Variants in INSC observed in about 807,000 individuals in gnomAD.
INSC encodes INSC spindle orientation adaptor protein.
INSC carries 67 observed loss-of-function variants against 58.6 expected under a neutral mutation model. The ratio of observed to expected loss-of-function variants is 1.14; its 90% CI spans 0.94 to 1.40. The LOEUF (loss-of-function observed/expected upper bound fraction) is 1.40, where lower values mean the gene tolerates loss of function less well. Ranked by LOEUF, INSC falls within the 40% of genes most tolerant of loss-of-function variation. The pLI is 0.00. For missense variants in INSC, 714 were observed against 692.0 expected, an observed-to-expected ratio of 1.03 and a Z score of -0.36; for synonymous variants, 262 against 276.1, an observed-to-expected ratio of 0.95 and a Z score of 0.51.
intron 7 of INSC, among the ~76,000 whole-genome samples, chr11:15,202,890 T>C (rs1461946443): frequency 1.3e-5 from 2 of 152,240 alleles, no homozygotes; most frequent in Non-Finnish European, 2.9e-5. Flanking sequence ...AGTGCTTTAA[T>C]GTGTCTTTCG....
At chr11:15,182,164 T>C (rs1325747595) in intron 5 of INSC, among the ~76,000 whole-genome samples, 1 of 152,196 alleles carries the variant, frequency 6.6e-6, no homozygotes, top group African/African-American at 2.4e-5. Flanking sequence ...ATCACAGCAC[T>C]ACACATATAT....
chr11:15,169,892 C>A (rs1325508597), intron 2 of INSC, among the ~76,000 whole-genome samples: 2 of 152,148 alleles, frequency 1.3e-5, no homozygotes, highest in African/African-American at 2.4e-5. Context: ...ACTAAGGGAC[C>A]AGCATTGGTC....
chr11:15,265,129 A>G, the INSC span, among the ~76,000 whole-genome samples: 3 of 152,122 alleles, frequency 2.0e-5, no homozygotes, highest in African/African-American at 4.8e-5. Flanking sequence ...TTGTAGATTA[A>G]GAAAAATAAG....
the INSC span, among the ~76,000 whole-genome samples, chr11:15,268,408 T>C: frequency 2.6e-5 from 4 of 152,096 alleles, no homozygotes; most frequent in African/African-American, 9.7e-5. Context: ...TTTTAGGTGA[T>C]GACTATGAAA....
chr11:15,147,642 C>T (rs1848527752), intron 1 of INSC, among the ~76,000 whole-genome samples: 1 of 152,154 alleles, frequency 6.6e-6, no homozygotes, highest in Admixed American at 6.5e-5. Flanking sequence ...GTGCCTGGCC[C>T]TTGGCTCAGT....
chr11:15,178,319 T>C lies in INSC; in HGVS notation c.456-5T>C, dbSNP rs2133829455. 6.2e-7 allele frequency: 1 copy of C among 1,613,900 alleles called. No individual in the cohort carries two copies. Among genetic ancestry groups the C allele is most frequent in the East Asian group, 2.2e-5 (1 of 44,868 alleles). Reference sequence around the variant, plus strand: ...GTGGCCCACCCCATGGTTTCTTCTCTTCAGGTGCCTTCAGGTTGAGAATGA... The same window carrying C: ...GTGGCCCACCCCATGGTTTCTTCTCCTCAGGTGCCTTCAGGTTGAGAATGA... On this transcript the variant is annotated splice_region_variant and splice_polypyrimidine_tract_variant and intron_variant, in intron 4 of 12. Coordinates refer to ENST00000379556, the MANE Select transcript of INSC (RefSeq NM_001042536.3).
rs138998217 is a variant in INSC at position 15,159,211 on chromosome 11, T to C, written c.56+9981T>C. Among the ~76,000 whole-genome samples the C allele has an allele frequency of 9.5e-4, 144 of 152,200 alleles. 1 individual carries two copies. The highest frequency in any genetic ancestry group is 1.6e-3 in the Non-Finnish European group (108 of 67,994). On this transcript the variant is annotated intron_variant, in intron 2 of 12. Coordinates refer to ENST00000379556, the MANE Select transcript of INSC (RefSeq NM_001042536.3). ...GCTTGGGAGTGGAGCCAGGGCATGG[T>C]GGAGGCAAGGTACCCAAGTGATGGC...
At chr11:15,265,939 C>G in the INSC span, among the ~76,000 whole-genome samples, 1 of 150,478 alleles carries the variant, frequency 6.6e-6, no homozygotes, top group Non-Finnish European at 1.5e-5. Flanking sequence ...AATCCTTTGC[C>G]TCAGTGAAAT....
intron 1 of INSC, among the ~76,000 whole-genome samples, chr11:15,137,184 A>G (rs1392981741): frequency 1.3e-5 from 2 of 151,284 alleles, no homozygotes; most frequent in African/African-American, 4.8e-5. Flanking sequence ...TAAAATACTC[A>G]GTAAAACATG....
intron 1 of INSC, among the ~76,000 whole-genome samples, chr11:15,147,219 C>G (rs1369187150): frequency 1.3e-5 from 2 of 152,208 alleles, no homozygotes; most frequent in Non-Finnish European, 2.9e-5. Context: ...CCTAGTTTTT[C>G]TTTTGCGCCA....
chr11:15,232,201 C>T (rs1442829576), intron 9 of INSC, among the ~76,000 whole-genome samples: 7 of 152,192 alleles, frequency 4.6e-5, no homozygotes, highest in Non-Finnish European at 2.9e-5. Flanking sequence ...GACAGGCTCA[C>T]CTTTGGGAGG....
At chr11:15,261,863 GCAGGTGTGAGAAT>G in the INSC span, among the ~76,000 whole-genome samples, 758 of 152,254 alleles carry the variant, frequency 5.0e-3, 6 homozygotes, top group African/African-American at 0.017. Flanking sequence ...ATACTTTTGT[GCAGGTGTGAGAAT>G]CAGGCTGGAC....
chr11:15,187,871 G>GA (rs146471160), intron 5 of INSC, among the ~76,000 whole-genome samples: 2 of 152,038 alleles, frequency 1.3e-5, no homozygotes, highest in Admixed American at 6.6e-5. Context: ...TTGATTTCCT[G>GA]AAAAAAATCA....
At chr11:15,231,290 C>G (rs181120497) in intron 9 of INSC, among the ~76,000 whole-genome samples, 1 of 152,096 alleles carries the variant, frequency 6.6e-6, no homozygotes, top group South Asian at 2.1e-4. Flanking sequence ...CTGGGCTTCC[C>G]CTAGAGCAGT....
intron 2 of INSC, among the ~76,000 whole-genome samples, chr11:15,152,850 T>A (rs946449112): frequency 6.6e-6 from 1 of 152,084 alleles, no homozygotes; most frequent in African/African-American, 2.4e-5. Flanking sequence ...ACAATGTCTA[T>A]CTCATGAGAG....
intron 1 of INSC, among the ~76,000 whole-genome samples, chr11:15,147,317 T>C (rs1792536): frequency 6.6e-6 from 1 of 152,072 alleles, no homozygotes; most frequent in African/African-American, 2.4e-5. Flanking sequence ...GGTGATAACA[T>C]GCTTGTTGAG....
At chr11:15,169,043 G>A (rs1420579194) in intron 2 of INSC, among the ~76,000 whole-genome samples, 1 of 152,192 alleles carries the variant, frequency 6.6e-6, no homozygotes, top group Non-Finnish European at 1.5e-5. Context: ...TGCAGGCCTT[G>A]TTTGCTTGTG....
chr11:15,143,578 C>T (rs547077792), intron 1 of INSC, among the ~76,000 whole-genome samples: 2 of 152,194 alleles, frequency 1.3e-5, no homozygotes, highest in Non-Finnish European at 2.9e-5. Flanking sequence ...CAACAGGAAG[C>T]CATTGAAGGA....
In INSC at chr11:15,235,620, A is replaced by G. The variant is rs113337994; in HGVS notation, c.1189A>G (p.Asn397Asp). Reference protein sequence around the residue: ...TRDQIVTILANMSVLEQCASD... With the variant: ...TRDQIVTILADMSVLEQCASD... ...TTTCCAGATTGTGACCATCTTGGCA[A>G]ACATGTCTGTCCTAGAACAGTGTGC... The change falls in exon 10 of 13, where the codon AAC becomes GAC. Residue 397 changes from asparagine to aspartate, a missense_variant. Asn to Asp is a conservative substitution (Grantham distance 23). Coordinates refer to ENST00000379556, the MANE Select transcript of INSC (RefSeq NM_001042536.3). The G allele has an allele frequency of 2.7e-3, 4,361 of 1,613,924 alleles. 11 individuals carry two copies. Among genetic ancestry groups the G allele is most frequent in the Non-Finnish European group, 3.3e-3 (3,842 of 1,179,798 alleles).
Sources: allele counts gnomAD v4.1 joint callset (sites outside exome capture counted in the v4.1 genomes callset), GRCh38; gene constraint gnomAD v4.1.1; transcripts MANE v1.5; gene names NCBI Gene and HGNC (gene_info 2026-07-23, HGNC 2026-07-21).